Variants in PEAK3 observed in about 807,000 individuals in gnomAD.
The protein encoded by PEAK3 is protein PEAK3.
In PEAK3, 15 loss-of-function variants were observed where a neutral mutation model predicts 13.3. The observed-to-expected ratio is 1.13, with a 90% CI of 0.75 to 1.73. The LOEUF is 1.73. Among genes scored for constraint, PEAK3 ranks in the 40% most tolerant of loss-of-function variants. The pLI is 0.00. For synonymous variants in PEAK3, 347 were observed against 341.9 expected (o/e 1.01, Z -0.17); for missense variants, 739 against 690.2 (o/e 1.07, Z -0.79).
At position 2,276,178 on chromosome 19, in the gene PEAK3, C is replaced by T. The variant is rs758938775; in HGVS notation, c.924G>A (p.Glu308=). The part of the protein sequence containing the change: ...WGAALVELRP[E]NLLLVAPRGC... ...CCCGAGGTGCCACCAGCAGCAAGTT[C>T]TCCGGCCGCAACTCGACTAGGGCCG... is the stretch of plus-strand genomic sequence containing the variant. Residue 308 remains glutamate (E), a synonymous_variant, in exon 4 of 4, where the codon GAG becomes GAA. Coordinates refer to ENST00000342063, the MANE Select transcript of PEAK3 (RefSeq NM_198532.3). 1.9e-6 allele frequency: 3 copies of T among 1,549,624 alleles called. No individual in the cohort carries two copies. The highest frequency in any genetic ancestry group is 2.6e-6 in the Non-Finnish European group (3 of 1,149,312).
chr19:2,280,474 A>C (rs550377396), intron 2 of PEAK3, among the ~76,000 whole-genome samples: 1 of 152,036 alleles, frequency 6.6e-6, no homozygotes, highest in East Asian at 1.9e-4. Context: ...CTTCCCGAGC[A>C]GCTGGGACTG....
rs765860277 is a variant in PEAK3 at position 2,278,607 on chromosome 19, C to T, written c.589G>A (p.Ala197Thr). The change falls in exon 3 of 4, where the codon GCC (alanine) becomes ACC (threonine). Residue 197 changes from alanine (A) to threonine (T), a missense_variant. By Grantham distance (58) the Ala-to-Thr change is moderately conservative. Coordinates refer to ENST00000342063, the MANE Select transcript of PEAK3 (RefSeq NM_198532.3). ...ACCTTGGCGACCAGGATGTGCCAGGCGTCCTCGTGCGCGCGCACCACGCGG... is the reference window on the plus strand; with the variant it reads ...ACCTTGGCGACCAGGATGTGCCAGGTGTCCTCGTGCGCGCGCACCACGCGG... The part of the protein sequence containing the change: ...YYRVVRAHED[A>T]WHILVAKVPK... 8.1e-6 allele frequency: 12 copies of T among 1,485,036 alleles called. No individual in the cohort carries two copies. Among genetic ancestry groups the T allele is most frequent in the Admixed American group, 7.1e-5 (3 of 42,420 alleles). The allele number at this position is 1,485,036 out of a possible 1,614,324, so 92.0% of individuals were successfully genotyped here.
At chr19:2,280,274 C>G (rs1254530332) in intron 2 of PEAK3, among the ~76,000 whole-genome samples, 1 of 151,766 alleles carries the variant, frequency 6.6e-6, no homozygotes, top group Admixed American at 6.6e-5. Flanking sequence ...GTTGGCCAGG[C>G]TGGTCTTGAA....
chr19:2,279,672 A>C (rs1442749072), intron 2 of PEAK3, among the ~76,000 whole-genome samples: 1 of 151,850 alleles, frequency 6.6e-6, no homozygotes, highest in African/African-American at 2.4e-5. Flanking sequence ...GGCTTATAGG[A>C]GGATGGATCA....
At chr19:2,280,989 C>T (rs11668489) in intron 1 of PEAK3, 54 bp from the exon 2 acceptor site, 49,581 of 1,209,744 alleles carry the variant, frequency 0.041, 1,173 homozygotes, top group Middle Eastern at 0.046. Flanking sequence ...ACGCACAGGG[C>T]GACATGGGGA....
At position 2,276,301 on chromosome 19, in the gene PEAK3, C is replaced by T. The variant is rs534883075; in HGVS notation, c.801G>A (p.Ala267=). ...VPERTVAQWL[A]EACTQPPEEF... ...CCTCCGGCGGCTGCGTGCAGGCCTC[C>T]GCCAGCCACTGCGCCACCGTGCGCT... Residue 267 remains alanine, a synonymous_variant, in exon 4 of 4, where the codon GCG becomes GCA. Transcript: ENST00000342063. 1.1e-5 allele frequency: 18 copies of T among 1,594,674 alleles called. No homozygotes were observed. In the Admixed American group the frequency reaches 1.7e-4, roughly 15 times the overall value.
chr19:2,278,278 C>T (rs1029194187), intron 3 of PEAK3, among the ~76,000 whole-genome samples: 1 of 151,932 alleles, frequency 6.6e-6, no homozygotes, highest in Non-Finnish European at 1.5e-5. Flanking sequence ...AATTCTCCTG[C>T]CTCAGTCTCC....
chr19:2,280,100 T>C (rs2145074676), intron 2 of PEAK3, among the ~76,000 whole-genome samples: 1 of 121,440 alleles, frequency 8.2e-6, no homozygotes, highest in South Asian at 3.0e-4. Flanking sequence ...TCTCCCTCTG[T>C]CGCCCAGGCT....
intron 2 of PEAK3, among the ~76,000 whole-genome samples, chr19:2,280,297 A>C (rs1350465778): frequency 6.6e-6 from 1 of 151,122 alleles, no homozygotes; most frequent in Non-Finnish European, 1.5e-5. Flanking sequence ...CCTGGCCTCA[A>C]GTGATCCTCC....
chr19:2,278,585 T>G lies in PEAK3; in HGVS notation c.611A>C (p.Lys204Thr). 1 of 1,480,622 alleles carries G rather than the reference T, an allele frequency of 6.8e-7. No individual in the cohort carries two copies. The highest frequency in any genetic ancestry group is 9.0e-7 in the Non-Finnish European group (1 of 1,116,516). The allele number at this position is 1,480,622 out of a possible 1,614,324, so 91.7% of individuals were successfully genotyped here. Residue 204 changes from lysine (K) to threonine (T), a missense_variant and splice_region_variant, in exon 3 of 4, where the codon AAG (lysine) becomes ACG (threonine). By Grantham distance (78) the Lys-to-Thr change is moderately conservative. Transcript: ENST00000342063. ...HEDAWHILVA[K>T]VPKPGADVPH... The stretch of plus-strand genomic sequence containing the variant: ...AGAGGGTGGGGCTGTGGGGCTCACC[T>G]TGGCGACCAGGATGTGCCAGGCGTC...
Position 2,275,874 on chromosome 19 carries a change from C to T in PEAK3, c.1228G>A (p.Gly410Arg). ...WGPGPELRGRGAPLGPWLRAL... is the reference protein window; with the variant it reads ...WGPGPELRGRRAPLGPWLRAL... The stretch of plus-strand genomic sequence containing the variant: ...CGGAGCCAGGGACCAAGCGGTGCTC[C>T]GCGGCCGCGCAGCTCAGGCCCGGGC... Residue 410 changes from glycine (G) to arginine (R), a missense_variant, in exon 4 of 4, where the codon GGA becomes AGA. Physicochemically the swap from Gly to Arg is moderately radical, Grantham distance 125. Coordinates refer to ENST00000342063, the MANE Select transcript of PEAK3 (RefSeq NM_198532.3). 3 of 1,440,038 alleles carry T rather than the reference C, an allele frequency of 2.1e-6. No homozygotes were observed. Among genetic ancestry groups the T allele is most frequent in the Non-Finnish European group, 2.7e-6 (3 of 1,104,048 alleles). 89.2% of individuals were successfully genotyped at this position (1,440,038 alleles called of 1,614,324 possible). A position where few individuals can be genotyped will look rare whatever the true frequency, so the allele number is the denominator to read the frequency against.
intron 3 of PEAK3, among the ~76,000 whole-genome samples, chr19:2,277,443 T>C (rs979984757): frequency 6.6e-6 from 1 of 152,170 alleles, no homozygotes; most frequent in African/African-American, 2.4e-5. Context: ...ATTGGAAGCT[T>C]CCTGAGGCCT....
intron 3 of PEAK3, 21 bp downstream of exon 3, chr19:2,278,563 G>T (rs117855924): frequency 2.0e-6 from 3 of 1,473,832 alleles, no homozygotes; most frequent in South Asian, 2.9e-5. Context: ...ACCTCAGAGA[G>T]GGTGGGGCTG....
chr19:2,276,603 T>A, intron 3 of PEAK3, 114 bp from the exon 4 acceptor site: 1 of 864,518 alleles, frequency 1.2e-6, no homozygotes, highest in Non-Finnish European at 1.7e-6. Context: ...CTGCCCCCAC[T>A]ACGGCTAGGG....
chr19:2,276,199 G>C lies in PEAK3; in HGVS notation c.903C>G (p.Ala301=), dbSNP rs1186388239. The change falls in exon 4 of 4, where the codon GCC becomes GCG. Residue 301 remains alanine (A), a synonymous_variant. Transcript: ENST00000342063. The stretch of plus-strand genomic sequence containing the variant: ...AGTTCTCCGGCCGCAACTCGACTAG[G>C]GCCGCGCCCCACGCCTCCAGGAACT... The part of the protein sequence containing the change: ...ALKFLEAWGA[A]LVELRPENLL... 1 of 1,560,066 alleles carries C rather than the reference G, an allele frequency of 6.4e-7. No homozygotes were observed. Among genetic ancestry groups the C allele is most frequent in the Non-Finnish European group, 8.7e-7 (1 of 1,155,968 alleles).
Position 2,276,124 on chromosome 19 carries a change from C to G in PEAK3, c.978G>C (p.Leu326=). 6.5e-7 allele frequency: 1 copy of G among 1,530,862 alleles called. No homozygotes were observed. The highest frequency in any genetic ancestry group is 1.2e-5 in the South Asian group (1 of 82,230). The allele number at this position is 1,530,862 out of a possible 1,614,324, so 94.8% of individuals were successfully genotyped here. A position where few individuals can be genotyped will look rare whatever the true frequency, so the allele number is the denominator to read the frequency against. The change falls in exon 4 of 4, where the codon CTG becomes CTC. Residue 326 remains leucine, a synonymous_variant. Transcript: ENST00000342063. ...AGACGCGGCCAAAGTCAGTGAGGAG[C>G]AGGCGTGGGGGCCCCGTCGTCGCAC... The part of the protein sequence containing the change: ...RGCATTGPPR[L]LLTDFGRVCL...
intron 2 of PEAK3, among the ~76,000 whole-genome samples, chr19:2,280,625 C>T (rs986630720): frequency 6.6e-6 from 1 of 152,192 alleles, no homozygotes; most frequent in Non-Finnish European, 1.5e-5. Context: ...GCTGGGATTA[C>T]AGGCGTGAGC....
chr19:2,279,115 T>C lies in PEAK3; in HGVS notation c.83-2A>G. On this transcript the variant is annotated splice_acceptor_variant, in intron 2 of 3. Coordinates refer to ENST00000342063, the MANE Select transcript of PEAK3 (RefSeq NM_198532.3). LOFTEE classifies it high-confidence loss of function. ...GCAGCAGGTGGGCACGGATCTGACC[T>C]GCAGGGAGAGACAGTGGGGGAGGGT... 1 of 1,431,416 alleles carries C rather than the reference T, an allele frequency of 7.0e-7. No individual in the cohort carries two copies. The highest frequency in any genetic ancestry group is 9.2e-7 in the Non-Finnish European group (1 of 1,087,020). 88.7% of individuals were successfully genotyped at this position (1,431,416 alleles called of 1,614,324 possible).
At position 2,280,863 on chromosome 19, in the gene PEAK3, C is replaced by G. The variant is rs781519940; in HGVS notation, c.69G>C (p.Thr23=). ...PDNPTWSTQP[T]YSNLGQIRAH... ...GGAGCTGCTTACCAAGGTTGCTATACGTGGGCTGAGTCGACCAGGTGGGGT... is the reference window on the plus strand; with the variant it reads ...GGAGCTGCTTACCAAGGTTGCTATAGGTGGGCTGAGTCGACCAGGTGGGGT... Residue 23 remains threonine, a synonymous_variant, in exon 2 of 4, where the codon ACG becomes ACC. Coordinates refer to ENST00000342063, the MANE Select transcript of PEAK3 (RefSeq NM_198532.3). The G allele has an allele frequency of 1.9e-6, 3 of 1,607,180 alleles. No homozygotes were observed. Among genetic ancestry groups the G allele is most frequent in the South Asian group, 1.1e-5 (1 of 90,626 alleles).
Sources: allele counts gnomAD v4.1 joint callset (sites outside exome capture counted in the v4.1 genomes callset), GRCh38; gene constraint gnomAD v4.1.1; transcripts MANE v1.5; gene names NCBI Gene and HGNC (gene_info 2026-07-23, HGNC 2026-07-21).